SGMS1: variants seen among roughly 807,000 people sequenced by gnomAD.
SGMS1 encodes the protein phosphatidylcholine:ceramide cholinephosphotransferase 1.
In SGMS1, 13 loss-of-function variants were observed where a neutral mutation model predicts 46.2. That is an observed-to-expected ratio of 0.28 (90% CI 0.18 to 0.45). The LOEUF is 0.45. Among genes scored for constraint, SGMS1 ranks in the 20% least tolerant of loss-of-function variants. SGMS1 has a pLI of 1.00. For missense variants in SGMS1, 324 were observed against 519.9 expected (o/e 0.62, Z 3.66); for synonymous variants, 203 against 187.8 (o/e 1.08, Z -0.66).
At chr10:50,394,753 G>A (rs1293070349) in intron 6 of SGMS1, among the ~76,000 whole-genome samples, 2 of 152,212 alleles carry the variant, frequency 1.3e-5, no homozygotes, top group African/African-American at 2.4e-5. Context: ...CTTTCAGGCT[G>A]TTAGACCCTA....
chr10:50,610,701 G>C (rs1009225046), intron 1 of SGMS1, among the ~76,000 whole-genome samples: 2 of 152,160 alleles, frequency 1.3e-5, no homozygotes, highest in East Asian at 1.9e-4. Flanking sequence ...TACCAACCTT[G>C]TGAACAGGTG....
chr10:50,563,417 T>C (rs2131843864), intron 2 of SGMS1, among the ~76,000 whole-genome samples: 1 of 152,290 alleles, frequency 6.6e-6, no homozygotes, highest in African/African-American at 2.4e-5. Flanking sequence ...AACACAATGA[T>C]ACTAAAAACC....
intron 6 of SGMS1, among the ~76,000 whole-genome samples, chr10:50,365,313 T>C (rs1199061615): frequency 1.2e-4 from 17 of 146,208 alleles, no homozygotes; most frequent in Admixed American, 2.8e-4. Context: ...GGTTTTTAAG[T>C]TGGAGACTTT....
intron 7 of SGMS1, among the ~76,000 whole-genome samples, chr10:50,332,213 A>G (rs748251734): frequency 1.6e-4 from 25 of 152,072 alleles, no homozygotes; most frequent in African/African-American, 9.7e-5. Flanking sequence ...TCTCAGCCCA[A>G]TGACCTTGGG....
chr10:50,506,783 T>C (rs1426575173), intron 3 of SGMS1, among the ~76,000 whole-genome samples: 3 of 152,212 alleles, frequency 2.0e-5, no homozygotes, highest in Non-Finnish European at 4.4e-5. Context: ...AATTTAAATG[T>C]TAATAGTGGC....
chr10:50,560,104 TATATA>T (rs1164433597), intron 2 of SGMS1, among the ~76,000 whole-genome samples: 12 of 147,158 alleles, frequency 8.2e-5, no homozygotes, highest in Admixed American at 2.1e-4. Flanking sequence ...TAATATAGAT[TATATA>T]ATATATTACA....
intron 2 of SGMS1, among the ~76,000 whole-genome samples, chr10:50,587,633 ATG>A (rs35240090): frequency 0.021 from 2,855 of 138,146 alleles, 63 homozygotes; most frequent in African/African-American, 0.055. Flanking sequence ...CAAAATATAT[ATG>A]TGTGTGTGTG....
intron 5 of SGMS1, among the ~76,000 whole-genome samples, chr10:50,453,684 C>T (rs971676214): frequency 9.5e-5 from 14 of 147,822 alleles, no homozygotes; most frequent in African/African-American, 2.8e-4. Context: ...TAAGAAATAA[C>T]GATAAAATAT....
At chr10:50,618,760 TCAGCCATCC>T (rs1639618198) in intron 1 of SGMS1, among the ~76,000 whole-genome samples, 1 of 152,164 alleles carries the variant, frequency 6.6e-6, no homozygotes, top group Non-Finnish European at 1.5e-5. Context: ...ACACCATTAC[TCAGCCATCC>T]CACTCCTAAG....
At chr10:50,579,482 A>T (rs966668282) in intron 2 of SGMS1, among the ~76,000 whole-genome samples, 3 of 152,204 alleles carry the variant, frequency 2.0e-5, no homozygotes, top group East Asian at 3.8e-4. Context: ...GAAAAGAATG[A>T]AAAACCCGAG....
intron 6 of SGMS1, among the ~76,000 whole-genome samples, chr10:50,382,844 C>T (rs564783059): frequency 2.8e-4 from 42 of 152,202 alleles, no homozygotes; most frequent in African/African-American, 8.4e-4. Flanking sequence ...ACAGGAATTA[C>T]GTATTATTAA....
chr10:50,623,993 G>A, upstream of SGMS1: 1 of 985,484 alleles, frequency 1.0e-6, no homozygotes, highest in African/African-American at 1.7e-5. Flanking sequence ...AGCCGGCCCG[G>A]CTTCCCGCGC....
intron 2 of SGMS1, among the ~76,000 whole-genome samples, chr10:50,549,097 G>C (rs1838126894): frequency 1.3e-5 from 2 of 152,212 alleles, no homozygotes; most frequent in South Asian, 4.1e-4. Context: ...CTGTTGGTGG[G>C]AAGGTAAATT....
intron 6 of SGMS1, among the ~76,000 whole-genome samples, chr10:50,372,587 G>A (rs767445265): frequency 3.9e-5 from 6 of 152,020 alleles, no homozygotes; most frequent in African/African-American, 4.8e-5. Context: ...CCAGCTACTC[G>A]GAGGCTGAGG....
At chr10:50,332,824 C>A (rs977033681) in intron 7 of SGMS1, among the ~76,000 whole-genome samples, 2 of 151,892 alleles carry the variant, frequency 1.3e-5, no homozygotes. Flanking sequence ...CAGGGTCTTG[C>A]CATTTTGCCC....
At chr10:50,459,357 A>C (rs1837235804) in intron 5 of SGMS1, among the ~76,000 whole-genome samples, 1 of 152,200 alleles carries the variant, frequency 6.6e-6, no homozygotes, top group South Asian at 2.1e-4. Flanking sequence ...AAATGGGGGG[A>C]AAGTAGCAAA....
At chr10:50,467,357 C>G (rs1327694416) in intron 3 of SGMS1, among the ~76,000 whole-genome samples, 3 of 152,088 alleles carry the variant, frequency 2.0e-5, no homozygotes, top group Admixed American at 2.0e-4. Flanking sequence ...TACCAAAATG[C>G]AATCAATAGC....
intron 1 of SGMS1, among the ~76,000 whole-genome samples, chr10:50,621,929 T>C (rs1030406303): frequency 3.9e-5 from 6 of 152,130 alleles, no homozygotes; most frequent in African/African-American, 1.4e-4. Context: ...ACATGCTATA[T>C]ATTGCTGTAT....
At chr10:50,338,566 G>A (rs571671145) in intron 7 of SGMS1, among the ~76,000 whole-genome samples, 5 of 152,202 alleles carry the variant, frequency 3.3e-5, no homozygotes, top group African/African-American at 1.2e-4. Flanking sequence ...AACCTCCTAT[G>A]AGAAAGATAC....
Sources: allele counts gnomAD v4.1 joint callset (sites outside exome capture counted in the v4.1 genomes callset), GRCh38; gene constraint gnomAD v4.1.1; transcripts MANE v1.5; gene names NCBI Gene and HGNC (gene_info 2026-07-23, HGNC 2026-07-21).